SHANK2: variants seen among roughly 807,000 people sequenced by gnomAD.
The protein encoded by SHANK2 is SH3 and multiple ankyrin repeat domains 2.
Under a neutral mutation model 133.7 loss-of-function variants are expected in SHANK2, and 43 were observed. The ratio of observed to expected loss-of-function variants is 0.32; its 90% CI spans 0.25 to 0.41. The LOEUF (loss-of-function observed/expected upper bound fraction) is 0.41. SHANK2 is among the 10% of genes least tolerant of loss of function. The probability of loss-of-function intolerance (pLI) is 1.00; values close to 1 mark genes in which losing one functional copy is unlikely to be tolerated. For synonymous variants in SHANK2, 1,017 were observed against 952.8 expected (o/e 1.07, Z -1.24); for missense variants, 1,994 against 2,235.8 (o/e 0.89, Z 2.18).
At chr11:70,865,726 GTTC>G (rs1387560411) in intron 11 of SHANK2, among the ~76,000 whole-genome samples, 1 of 152,186 alleles carries the variant, frequency 6.6e-6, no homozygotes, top group Non-Finnish European at 1.5e-5. Context: ...CAAGAAGTGT[GTTC>G]TTCTTCCAGC....
intron 17 of SHANK2, among the ~76,000 whole-genome samples, chr11:70,625,810 GAAAAAAAAAAAAAA>G (rs34147403): frequency 7.2e-5 from 3 of 41,394 alleles, no homozygotes; most frequent in Admixed American, 7.7e-4. Context: ...GTGCAAAAAT[GAAAAAAAAAAAAAA>G]AAAAAAAAAA....
At chr11:71,182,649 C>A (rs1953582594) in intron 2 of SHANK2, among the ~76,000 whole-genome samples, 1 of 152,178 alleles carries the variant, frequency 6.6e-6, no homozygotes, top group African/African-American at 2.4e-5. Flanking sequence ...CTGGACCCAT[C>A]TAACATTTCA....
intron 11 of SHANK2, among the ~76,000 whole-genome samples, chr11:70,834,751 CTG>C (rs1948781233): frequency 6.6e-6 from 1 of 152,182 alleles, no homozygotes; most frequent in Admixed American, 6.5e-5. Flanking sequence ...AGGTAGGAGT[CTG>C]TGGTGTTTGT....
chr11:70,607,473 A>C (rs144986632), intron 17 of SHANK2, among the ~76,000 whole-genome samples: 15 of 151,822 alleles, frequency 9.9e-5, no homozygotes, highest in African/African-American at 3.6e-4. Flanking sequence ...ATCACACCCC[A>C]CTCCCTGCCC....
At chr11:71,089,854 T>C (rs947921109) in intron 8 of SHANK2, among the ~76,000 whole-genome samples, 11 of 152,040 alleles carry the variant, frequency 7.2e-5, no homozygotes, top group African/African-American at 2.2e-4. Flanking sequence ...GGCAGGGCCA[T>C]CTGGGGCTGG....
chr11:71,086,509 TATATATA>T (rs1248904547), intron 8 of SHANK2, among the ~76,000 whole-genome samples: 1 of 142,254 alleles, frequency 7.0e-6, no homozygotes, highest in Non-Finnish European at 1.5e-5. Flanking sequence ...CATAATTTAT[TATATATA>T]ATATATAATA....
chr11:70,758,829 C>T (rs1445580628), intron 14 of SHANK2, among the ~76,000 whole-genome samples: 20 of 152,202 alleles, frequency 1.3e-4, no homozygotes, highest in African/African-American at 4.1e-4. Context: ...CCTAAGCCCC[C>T]GACTGACTGG....
chr11:70,499,819 A>C (rs2059024851), intron 21 of SHANK2, among the ~76,000 whole-genome samples: 1 of 152,144 alleles, frequency 6.6e-6, no homozygotes, highest in African/African-American at 2.4e-5. Context: ...TTCTGTGCCC[A>C]CCTCACCCAA....
intron 2 of SHANK2, among the ~76,000 whole-genome samples, chr11:71,220,144 G>A (rs1954506037): frequency 6.6e-6 from 1 of 152,082 alleles, no homozygotes; most frequent in Non-Finnish European, 1.5e-5. Context: ...AGATGGAAAG[G>A]AGGATTGCTT....
At chr11:70,734,388 G>A (rs543781027) in intron 14 of SHANK2, among the ~76,000 whole-genome samples, 3 of 152,320 alleles carry the variant, frequency 2.0e-5, no homozygotes, top group African/African-American at 7.2e-5. Context: ...ATTTCATGAT[G>A]AGCGTGAGGG....
chr11:70,758,880 G>A (rs1248538990), intron 14 of SHANK2, among the ~76,000 whole-genome samples: 1 of 152,248 alleles, frequency 6.6e-6, no homozygotes, highest in Non-Finnish European at 1.5e-5. Context: ...CTGAGTTCTG[G>A]CCGGGCGCGG....
Position 70,659,814 on chromosome 11 carries a change from A to C in SHANK2, c.2061+14T>G. 2 of 1,613,764 alleles carry C rather than the reference A, an allele frequency of 1.2e-6. No homozygotes were observed. Among genetic ancestry groups the C allele is most frequent in the Non-Finnish European group, 1.7e-6 (2 of 1,179,962 alleles). On this transcript the variant is annotated intron_variant, in intron 17 of 25. Coordinates refer to ENST00000601538, the MANE Select transcript of SHANK2 (RefSeq NM_012309.5). ...TCTCCCCAAGCAGAAAGATACAGAC[A>C]CCTGTGTCCCTACCTCAATCAAGAA...
chr11:70,948,425 G>A (rs1018746982), intron 10 of SHANK2: 1 of 455,692 alleles, frequency 2.2e-6, no homozygotes, highest in Non-Finnish European at 4.4e-6. Context: ...TTCGATCCCT[G>A]ATTACTTTTC....
chr11:70,577,784 G>A (rs966827888), intron 17 of SHANK2, among the ~76,000 whole-genome samples: 1 of 152,156 alleles, frequency 6.6e-6, no homozygotes, highest in Non-Finnish European at 1.5e-5. Flanking sequence ...TTACAGTCCC[G>A]ACCCCCACAA....
Position 71,162,583 on chromosome 11 carries a change from G to A in SHANK2, c.-12-15245C>T, listed in dbSNP as rs34167375. On this transcript the variant is annotated intron_variant, in intron 2 of 25. Transcript: ENST00000601538. ...AGTGAAGACAAATCAAGTAACATACGTTGGCATGTGACAGTGAAATGGGGA... is the reference window on the plus strand; with the variant it reads ...AGTGAAGACAAATCAAGTAACATACATTGGCATGTGACAGTGAAATGGGGA... 1.1e-4 allele frequency among the ~76,000 whole-genome samples: 17 copies of A among 152,312 alleles called. No homozygotes were observed. In the South Asian group the frequency reaches 1.2e-3, roughly 11 times the overall value.
chr11:70,662,935 C>A (rs375550684), intron 15 of SHANK2, among the ~76,000 whole-genome samples: 1 of 152,130 alleles, frequency 6.6e-6, no homozygotes, highest in Admixed American at 6.5e-5. Context: ...CCCCCCCGCC[C>A]CGTAGGACTC....
intron 2 of SHANK2, among the ~76,000 whole-genome samples, chr11:71,211,838 T>A (rs908673428): frequency 4.6e-5 from 7 of 152,148 alleles, no homozygotes; most frequent in African/African-American, 9.7e-5. Flanking sequence ...TCACTTCTTT[T>A]GAGAAAAGCT....
At chr11:70,846,623 G>T (rs80069408) in intron 11 of SHANK2, among the ~76,000 whole-genome samples, 264 of 152,266 alleles carry the variant, frequency 1.7e-3, no homozygotes, top group African/African-American at 6.1e-3. Context: ...CCCAAGCCCT[G>T]CTCTCAGCAC....
chr11:70,722,493 A>G (rs537622106), intron 14 of SHANK2, among the ~76,000 whole-genome samples: 1 of 152,222 alleles, frequency 6.6e-6, no homozygotes, highest in Non-Finnish European at 1.5e-5. Context: ...TGTTTGAAAT[A>G]CCTACATAGG....
Sources: gnomAD v4.1 joint callset for allele counts (sites outside exome capture counted in the v4.1 genomes callset) on GRCh38, gnomAD v4.1.1 for gene constraint, MANE v1.5 for transcripts, NCBI Gene and HGNC (gene_info 2026-07-23, HGNC 2026-07-21) for gene names.